The following TAS2R1 variants were observed in gnomAD, a reference collection of about 807,000 sequenced individuals.
TAS2R1 encodes the protein taste receptor type 2 member 1.
For missense variants in TAS2R1, 370 were observed against 353.4 expected (o/e 1.05, Z -0.38); for synonymous variants, 141 against 134.2 (o/e 1.05, Z -0.35).
the TAS2R1 span, among the ~76,000 whole-genome samples, chr5:9,737,037 A>G: frequency 6.6e-6 from 1 of 152,136 alleles, no homozygotes; most frequent in East Asian, 1.9e-4. Context: ...TACATCTTCT[A>G]CCCTTTCTCA....
chr5:9,633,294 T>TTTTATATATATATA (rs1554051825), upstream of TAS2R1, among the ~76,000 whole-genome samples: 9 of 67,818 alleles, frequency 1.3e-4, no homozygotes, highest in African/African-American at 5.7e-4. Context: ...TGTGTGTATA[T>TTTTATATATATATA]TATATATATA....
chr5:9,838,445 C>T, the TAS2R1 span, among the ~76,000 whole-genome samples: 4 of 152,278 alleles, frequency 2.6e-5, no homozygotes, highest in East Asian at 7.7e-4. Flanking sequence ...CTCATGCCAG[C>T]CAAGACAGCT....
At chr5:9,781,707 ACT>A in the TAS2R1 span, among the ~76,000 whole-genome samples, 2 of 151,802 alleles carry the variant, frequency 1.3e-5, no homozygotes, top group African/African-American at 4.8e-5. Flanking sequence ...ACCCTAGAAT[ACT>A]CCCTCTGCCT....
intron 1 of TAS2R1, among the ~76,000 whole-genome samples, chr5:9,710,974 T>G (rs544313383): frequency 1.2e-3 from 153 of 128,672 alleles, no homozygotes; most frequent in African/African-American, 4.2e-3. Flanking sequence ...ATATATAATT[T>G]ATGATATATA....
At chr5:9,889,333 T>C in the TAS2R1 span, among the ~76,000 whole-genome samples, 1 of 152,074 alleles carries the variant, frequency 6.6e-6, no homozygotes, top group Non-Finnish European at 1.5e-5. Flanking sequence ...AAGCAGGATG[T>C]CTGGTAGGGA....
chr5:9,646,840 T>C (rs978936414), intron 2 of TAS2R1, among the ~76,000 whole-genome samples: 6 of 152,146 alleles, frequency 3.9e-5, no homozygotes, highest in Middle Eastern at 3.2e-3. Context: ...GGAATAGACA[T>C]AAATGTGTGG....
chr5:9,789,644 T>C, the TAS2R1 span, among the ~76,000 whole-genome samples: 1 of 152,238 alleles, frequency 6.6e-6, no homozygotes, highest in Non-Finnish European at 1.5e-5. Flanking sequence ...ATCACACCAG[T>C]CTCTCCTTAG....
At chr5:9,711,773 C>T (rs995767868) in intron 1 of TAS2R1, among the ~76,000 whole-genome samples, 1 of 152,084 alleles carries the variant, frequency 6.6e-6, no homozygotes, top group Non-Finnish European at 1.5e-5. Context: ...AGAGATTCTC[C>T]CACCTCAGCC....
chr5:9,801,053 A>T, the TAS2R1 span, among the ~76,000 whole-genome samples: 1 of 152,164 alleles, frequency 6.6e-6, no homozygotes, highest in African/African-American at 2.4e-5. Flanking sequence ...TTAGGCTGGC[A>T]TGGTGGCAGG....
At chr5:9,875,238 G>A in the TAS2R1 span, among the ~76,000 whole-genome samples, 1 of 152,186 alleles carries the variant, frequency 6.6e-6, no homozygotes, top group Non-Finnish European at 1.5e-5. Flanking sequence ...GGAGCCAACA[G>A]GGGAGTGGTC....
chr5:9,696,298 G>A (rs893031711), intron 1 of TAS2R1, among the ~76,000 whole-genome samples: 17 of 152,218 alleles, frequency 1.1e-4, no homozygotes, highest in East Asian at 9.7e-4. Context: ...GGTAGCTCAC[G>A]CCTGTAATCC....
At chr5:9,760,795 G>T in the TAS2R1 span, 2 of 152,162 alleles carry the variant, frequency 1.3e-5, no homozygotes, top group Non-Finnish European at 2.9e-5. Context: ...GTAAGATATT[G>T]TCTCTCACTA....
the TAS2R1 span, among the ~76,000 whole-genome samples, chr5:9,742,461 A>G: frequency 1.3e-5 from 2 of 152,192 alleles, no homozygotes; most frequent in African/African-American, 4.8e-5. Context: ...ATAGCATTTA[A>G]CAGCTTCACC....
the TAS2R1 span, among the ~76,000 whole-genome samples, chr5:9,874,297 T>C: frequency 2.6e-5 from 4 of 152,368 alleles, no homozygotes; most frequent in East Asian, 7.7e-4. Flanking sequence ...AAAACTCCTT[T>C]ATTTTATAAA....
the TAS2R1 span, among the ~76,000 whole-genome samples, chr5:9,849,247 CT>C: frequency 6.6e-6 from 1 of 152,208 alleles, no homozygotes; most frequent in Admixed American, 6.5e-5. Context: ...GGGGCCACCC[CT>C]GGTCCACAGA....
the TAS2R1 span, among the ~76,000 whole-genome samples, chr5:9,751,850 T>C: frequency 5.3e-5 from 8 of 152,250 alleles, no homozygotes; most frequent in Non-Finnish European, 7.3e-5. Flanking sequence ...CTAAACCACC[T>C]GCTCTCAGCT....
the TAS2R1 span, among the ~76,000 whole-genome samples, chr5:9,820,458 TAA>T: frequency 6.6e-6 from 1 of 152,196 alleles, no homozygotes; most frequent in Admixed American, 6.5e-5. Flanking sequence ...GGAAAATTAT[TAA>T]GTCAACTACA....
At chr5:9,687,849 T>G (rs2126515360) in intron 1 of TAS2R1, among the ~76,000 whole-genome samples, 1 of 152,326 alleles carries the variant, frequency 6.6e-6, no homozygotes, top group South Asian at 2.1e-4. Flanking sequence ...TTTGCCAGGA[T>G]CCAAGCCTCC....
chr5:9,731,024 T>C, the TAS2R1 span, among the ~76,000 whole-genome samples: 1 of 152,096 alleles, frequency 6.6e-6, no homozygotes, highest in South Asian at 2.1e-4. Flanking sequence ...ATCAGCAGTG[T>C]GAAAACAGAC....
Sources: allele counts gnomAD v4.1 joint callset (sites outside exome capture counted in the v4.1 genomes callset), GRCh38; gene constraint gnomAD v4.1.1; transcripts MANE v1.5; gene names NCBI Gene and HGNC (gene_info 2026-07-23, HGNC 2026-07-21).